The following ZNF568 variants were observed in gnomAD, a reference collection of about 807,000 sequenced individuals.
ZNF568 encodes the protein p53 inhibitor of SCO2 activation.
A neutral mutation model predicts 18.1 loss-of-function variants in ZNF568; 11 were observed. The observed-to-expected ratio is 0.61, with a 90% confidence interval of 0.38 to 1.00. The LOEUF (loss-of-function observed/expected upper bound fraction) is 1.00. Among genes scored for constraint, ZNF568 ranks in the 50% least tolerant of loss-of-function variants. The probability of loss-of-function intolerance (pLI) is 0.01; values close to 1 mark genes in which losing one functional copy is unlikely to be tolerated. For missense variants in ZNF568, 639 were observed against 768.2 expected, an observed-to-expected ratio of 0.83 and a Z score of 1.99; for synonymous variants, 213 against 246.6, an observed-to-expected ratio of 0.86 and a Z score of 1.28.
At position 36,966,853 on chromosome 19, in the gene ZNF568, T is replaced by C. The variant is rs1295099195; in HGVS notation, c.359-7567T>C. Among the ~76,000 whole-genome samples the C allele has an allele frequency of 2.6e-5, 4 of 152,370 alleles. No individual in the cohort carries two copies. The East Asian group carries it at 7.7e-4, about 29-fold the overall frequency. On this transcript the variant is annotated intron_variant, in intron 6 of 7. Transcript: ENST00000427117. ...AGATCTTGCATATCTGGCCTGGGCC[T>C]GGCAGACTACCTTGCTGAGGCCCTT...
intron 7 of ZNF568, chr19:36,976,247 G>A (rs2074284192): frequency 1.3e-5 from 2 of 151,578 alleles, no homozygotes; most frequent in African/African-American, 2.4e-5. Context: ...TTTTTTCAGA[G>A]TGGGTTCATA....
chr19:36,933,144 C>T (rs1464179206), intron 4 of ZNF568, among the ~76,000 whole-genome samples: 14 of 134,846 alleles, frequency 1.0e-4, no homozygotes, highest in South Asian at 7.1e-4. Context: ...ATTCTGAGAC[C>T]TTTTTTTTTT....
intron 4 of ZNF568, among the ~76,000 whole-genome samples, chr19:36,994,928 G>C (rs925088396): frequency 6.6e-6 from 1 of 152,116 alleles, no homozygotes; most frequent in Admixed American, 6.5e-5. Context: ...GGGATTACAA[G>C]CGTGACCCAC....
chr19:36,982,128 T>TGG, downstream of ZNF568, among the ~76,000 whole-genome samples: 1 of 152,176 alleles, frequency 6.6e-6, no homozygotes, highest in Non-Finnish European at 1.5e-5. Flanking sequence ...AATAATTGTC[T>TGG]TTGTCTATTA....
At chr19:36,974,370 G>C in intron 6 of ZNF568, 1 of 1,523,488 alleles carries the variant, frequency 6.6e-7, no homozygotes, top group Non-Finnish European at 8.8e-7. Flanking sequence ...AAGGGGTTCA[G>C]GGAGGGATTC....
At chr19:36,961,205 CATAT>C (rs1393843400) in intron 6 of ZNF568, among the ~76,000 whole-genome samples, 1 of 150,890 alleles carries the variant, frequency 6.6e-6, no homozygotes, top group Admixed American at 6.6e-5. Context: ...GTGTTGGCTG[CATAT>C]ATATTTAGAA....
At chr19:36,991,719 A>G in intron 3 of ZNF568, 1 of 1,516,416 alleles carries the variant, frequency 6.6e-7, no homozygotes, top group Non-Finnish European at 8.8e-7. Flanking sequence ...TGACACCCAC[A>G]ACAAAACCTT....
At chr19:36,986,629 C>T (rs527238810) in intron 2 of ZNF568, among the ~76,000 whole-genome samples, 156 of 152,110 alleles carry the variant, frequency 1.0e-3, no homozygotes, top group Admixed American at 5.1e-3. Context: ...TTCTTTTTTT[C>T]CCCCCTCCGT....
At chr19:36,927,796 A>T (rs1047790203) in intron 4 of ZNF568, among the ~76,000 whole-genome samples, 2 of 143,630 alleles carry the variant, frequency 1.4e-5, no homozygotes, top group Non-Finnish European at 3.0e-5. Flanking sequence ...TTAAGCAAAA[A>T]ATACATATAT....
In ZNF568 at chr19:36,937,091, T is replaced by G. The variant is rs995023925; in HGVS notation, c.263-56T>G. 27 of 1,558,808 alleles carry G rather than the reference T, an allele frequency of 1.7e-5. No individual in the cohort carries two copies. The African/African-American group carries it at 3.5e-4, about 20-fold the overall frequency. ...CCTCAAGCTTGGACTTAGCCTAAGA[T>G]CTGAATGGTTGTCTCCAGCATTGAC... On this transcript the variant is annotated intron_variant, in intron 5 of 6. Transcript: ENST00000333987.
At chr19:36,968,160 A>G (rs1248998779) in intron 6 of ZNF568, among the ~76,000 whole-genome samples, 1 of 152,240 alleles carries the variant, frequency 6.6e-6, no homozygotes, top group Non-Finnish European at 1.5e-5. Context: ...CATACATGGT[A>G]GAAAGTCCAC....
chr19:36,946,205 G>A (rs1039060955), intron 6 of ZNF568, among the ~76,000 whole-genome samples: 7 of 152,080 alleles, frequency 4.6e-5, no homozygotes, highest in African/African-American at 1.4e-4. Context: ...CTGGACTTCC[G>A]CTGCTGTTTG....
rs188978679 is a variant in ZNF568 at position 36,985,156 on chromosome 19, C to T, written c.10-6020C>T. 2.1e-3 allele frequency among the ~76,000 whole-genome samples: 318 copies of T among 152,122 alleles called. 3 individuals are homozygous for T. The highest frequency in any genetic ancestry group is 7.4e-3 in the African/African-American group (309 of 41,528). On this transcript the variant is annotated intron_variant, in intron 2 of 4. Coordinates refer to the ZNF568 transcript ENST00000433993. ...CATTCTGCATAATCTCTTTTTATAC[C>T]TTGCAGTCCAGTAATTTTTCTCTTC...
At chr19:36,972,712 A>T (rs2074245840) in intron 6 of ZNF568, among the ~76,000 whole-genome samples, 1 of 152,142 alleles carries the variant, frequency 6.6e-6, no homozygotes, top group Non-Finnish European at 1.5e-5. Flanking sequence ...CCCTCTCCTG[A>T]TCCACCCCAG....
intron 4 of ZNF568, among the ~76,000 whole-genome samples, chr19:36,935,452 C>T (rs568559080): frequency 3.0e-4 from 46 of 151,492 alleles, no homozygotes; most frequent in African/African-American, 9.4e-4. Context: ...CCCAGCTACT[C>T]AGGAGGCTGA....
At chr19:36,982,737 C>T (rs1199299466), downstream of ZNF568, among the ~76,000 whole-genome samples, 2 of 152,002 alleles carry the variant, frequency 1.3e-5, no homozygotes, top group African/African-American at 4.8e-5. Flanking sequence ...AGAAATGATC[C>T]TAAGTGTTTT....
intron 6 of ZNF568, among the ~76,000 whole-genome samples, chr19:36,959,659 T>C (rs1352953740): frequency 6.6e-6 from 1 of 152,184 alleles, no homozygotes; most frequent in Non-Finnish European, 1.5e-5. Context: ...GTTGGGACAC[T>C]TTTTATTACT....
At chr19:36,982,920 G>A (rs2074343594), downstream of ZNF568, among the ~76,000 whole-genome samples, 1 of 152,132 alleles carries the variant, frequency 6.6e-6, no homozygotes, top group Non-Finnish European at 1.5e-5. Flanking sequence ...TGTAAGACTG[G>A]CCAGTAATTT....
intron 7 of ZNF568, among the ~76,000 whole-genome samples, chr19:36,977,929 G>A (rs2074299019): frequency 6.6e-6 from 1 of 152,166 alleles, no homozygotes; most frequent in Non-Finnish European, 1.5e-5. Flanking sequence ...GCAACCTGGG[G>A]TCCCCCAGCT....
Sources: allele counts gnomAD v4.1 joint callset (sites outside exome capture counted in the v4.1 genomes callset), GRCh38; gene constraint gnomAD v4.1.1; transcripts MANE v1.5; gene names NCBI Gene and HGNC (gene_info 2026-07-23, HGNC 2026-07-21).